COL26A1: variants seen among roughly 807,000 people sequenced by gnomAD.
COL26A1 encodes the protein collagen alpha-1(XXVI) chain.
A neutral mutation model predicts 59.3 loss-of-function variants in COL26A1; 41 were observed. The observed-to-expected ratio is 0.69, with a 90% CI of 0.54 to 0.90. The LOEUF (loss-of-function observed/expected upper bound fraction) is 0.90, where lower values mean the gene tolerates loss of function less well. Ranked by LOEUF, COL26A1 falls within the 40% of genes least tolerant of loss-of-function variation. The pLI is 0.00. For synonymous variants in COL26A1, 266 were observed against 256.0 expected (o/e 1.04, Z -0.37); for missense variants, 612 against 602.3 (o/e 1.02, Z -0.17).
At chr7:101,415,624 TTTTTGTTTTG>T (rs904893325) in intron 1 of COL26A1, among the ~76,000 whole-genome samples, 1 of 151,922 alleles carries the variant, frequency 6.6e-6, no homozygotes, top group African/African-American at 2.4e-5. Flanking sequence ...TTCTTCCATG[TTTTTGTTTTG>T]TTTTGTTTTG....
At chr7:101,503,644 A>G (rs1794748514) in intron 3 of COL26A1, among the ~76,000 whole-genome samples, 1 of 152,192 alleles carries the variant, frequency 6.6e-6, no homozygotes, top group African/African-American at 2.4e-5. Flanking sequence ...AGCCTCCCAA[A>G]GTGCTGGGAT....
chr7:101,405,227 C>CT (rs1443965871), intron 1 of COL26A1, among the ~76,000 whole-genome samples: 26 of 149,270 alleles, frequency 1.7e-4, no homozygotes, highest in African/African-American at 6.2e-4. Flanking sequence ...GACTCCGTCT[C>CT]TAAAAAAAAA....
intron 2 of COL26A1, among the ~76,000 whole-genome samples, chr7:101,437,842 G>T (rs1344094733): frequency 2.6e-5 from 4 of 151,354 alleles, no homozygotes; most frequent in African/African-American, 9.7e-5. Flanking sequence ...TCCCAAGTAC[G>T]TGGGGACTAC....
Position 101,400,351 on chromosome 7 carries a change from C to CTTTTTTT in COL26A1, c.159-19625_159-19624insTTTTTTT, listed in dbSNP as rs1387032420. On this transcript the variant is annotated intron_variant, in intron 1 of 12. Coordinates refer to ENST00000313669, the MANE Select transcript of COL26A1 (RefSeq NM_001278563.3). ...GTCCACACTGCCTTTCTTTTTTTTC[C>CTTTTTTT]TATTTTTTTTTTTTTTTTTTTTTTT... is the stretch of plus-strand genomic sequence containing the variant. 1.1e-4 allele frequency among the ~76,000 whole-genome samples: 14 copies of CTTTTTTT among 123,398 alleles called. 3 individuals are homozygous for CTTTTTTT. The highest frequency in any genetic ancestry group is 4.5e-4 in the East Asian group (2 of 4,426). 81.0% of individuals were successfully genotyped at this position (123,398 alleles called of 152,430 possible). A position where few individuals can be genotyped will look rare whatever the true frequency, so the allele number is the denominator to read the frequency against.
chr7:101,435,918 C>A (rs34861673), intron 2 of COL26A1, among the ~76,000 whole-genome samples: 25,979 of 152,232 alleles, frequency 0.17, 2,747 homozygotes, highest in Non-Finnish European at 0.23. Context: ...CAGCCTCCCC[C>A]CTCTGGTTGG....
At chr7:101,533,875 C>T (rs548705382) in intron 4 of COL26A1, among the ~76,000 whole-genome samples, 14 of 152,224 alleles carry the variant, frequency 9.2e-5, no homozygotes, top group Non-Finnish European at 1.8e-4. Context: ...TCTCAGCAGG[C>T]TCATGCCAGC....
chr7:101,393,340 T>G (rs1791777729), intron 1 of COL26A1, among the ~76,000 whole-genome samples: 1 of 152,156 alleles, frequency 6.6e-6, no homozygotes, highest in Non-Finnish European at 1.5e-5. Flanking sequence ...AGGAAGCCAG[T>G]CTGAGTCCCA....
At chr7:101,413,717 C>T (rs1011988410) in intron 1 of COL26A1, among the ~76,000 whole-genome samples, 1 of 152,032 alleles carries the variant, frequency 6.6e-6, no homozygotes, top group African/African-American at 2.4e-5. Flanking sequence ...GAGATGATGC[C>T]CAGAGATAAT....
intron 3 of COL26A1, among the ~76,000 whole-genome samples, chr7:101,478,461 T>A (rs1485021504): frequency 6.6e-6 from 1 of 152,164 alleles, no homozygotes; most frequent in Non-Finnish European, 1.5e-5. Context: ...ACCCTTAGTG[T>A]CCCTCTCACC....
intron 1 of COL26A1, among the ~76,000 whole-genome samples, chr7:101,406,091 C>T (rs1245468860): frequency 2.6e-5 from 4 of 152,236 alleles, no homozygotes; most frequent in Admixed American, 6.5e-5. Flanking sequence ...TTCAGACCTC[C>T]GTGCTGCGCC....
At chr7:101,471,567 GTTTGTT>G (rs1793902423) in intron 3 of COL26A1, among the ~76,000 whole-genome samples, 6 of 112,386 alleles carry the variant, frequency 5.3e-5, no homozygotes, top group African/African-American at 2.1e-4. Flanking sequence ...TGTTGTTGTT[GTTTGTT>G]TTTTTTTTTT....
At chr7:101,456,166 A>AT (rs1309496693) in intron 3 of COL26A1, among the ~76,000 whole-genome samples, 155 of 99,616 alleles carry the variant, frequency 1.6e-3, no homozygotes, top group East Asian at 1.3e-3. Flanking sequence ...ATATATATAT[A>AT]TATTTTTTTT....
intron 2 of COL26A1, among the ~76,000 whole-genome samples, chr7:101,434,060 C>T (rs1792845423): frequency 9.2e-6 from 1 of 108,566 alleles, no homozygotes; most frequent in Admixed American, 9.5e-5. Flanking sequence ...CTCCCTCCCT[C>T]CCTCCCTCCC....
At chr7:101,400,104 G>C (rs1160057402) in intron 1 of COL26A1, among the ~76,000 whole-genome samples, 1 of 152,174 alleles carries the variant, frequency 6.6e-6, no homozygotes, top group African/African-American at 2.4e-5. Context: ...ATTTGAGAGT[G>C]AAGGGGCCAC....
chr7:101,405,186 G>A (rs1455025311), intron 1 of COL26A1, among the ~76,000 whole-genome samples: 2 of 151,934 alleles, frequency 1.3e-5, no homozygotes, highest in African/African-American at 4.8e-5. Context: ...TCGCGCCACT[G>A]CACTCCAGCC....
chr7:101,489,816 TTC>T (rs1365651959), intron 3 of COL26A1, among the ~76,000 whole-genome samples: 3 of 4,754 alleles, frequency 6.3e-4, no homozygotes, highest in South Asian at 6.6e-3. Context: ...CTTTCTTTCT[TTC>T]TTTCTTTCTT....
chr7:101,396,477 T>C (rs1421464207), intron 1 of COL26A1, among the ~76,000 whole-genome samples: 1 of 152,030 alleles, frequency 6.6e-6, no homozygotes, highest in Non-Finnish European at 1.5e-5. Flanking sequence ...TTTCTTTTTT[T>C]TTTGAGATGG....
chr7:101,501,200 AAGAAAAG>A (rs1332371332), intron 3 of COL26A1, among the ~76,000 whole-genome samples: 210 of 128,198 alleles, frequency 1.6e-3, no homozygotes, highest in African/African-American at 5.6e-3. Flanking sequence ...AAAAAAAAAA[AAGAAAAG>A]AAAAGAAAAG....
intron 3 of COL26A1, among the ~76,000 whole-genome samples, chr7:101,500,458 C>A (rs980258568): frequency 6.6e-6 from 1 of 152,238 alleles, no homozygotes; most frequent in African/African-American, 2.4e-5. Flanking sequence ...CTGCTGATGT[C>A]TGTTCATTAC....
Sources: gnomAD v4.1 joint callset for allele counts (sites outside exome capture counted in the v4.1 genomes callset) on GRCh38, gnomAD v4.1.1 for gene constraint, MANE v1.5 for transcripts, NCBI Gene and HGNC (gene_info 2026-07-23, HGNC 2026-07-21) for gene names.